The following GRIN2A variants were observed in gnomAD, a reference collection of about 807,000 sequenced individuals.
GRIN2A encodes the protein glutamate ionotropic receptor NMDA type subunit 2A.
GRIN2A carries 22 observed loss-of-function variants against 113.4 expected under a neutral mutation model. The ratio of observed to expected loss-of-function variants is 0.19; its 90% confidence interval spans 0.14 to 0.28. The LOEUF (loss-of-function observed/expected upper bound fraction) is 0.28. Among genes scored for constraint, GRIN2A ranks in the 10% least tolerant of loss-of-function variants. The pLI is 1.00. For synonymous variants in GRIN2A, 827 were observed against 738.4 expected (o/e 1.12, Z -1.94); for missense variants, 1,502 against 1,887.0 (o/e 0.80, Z 3.78).
chr16:9,997,048 C>G (rs1013683654), intron 2 of GRIN2A, among the ~76,000 whole-genome samples: 4 of 151,966 alleles, frequency 2.6e-5, no homozygotes, highest in Non-Finnish European at 5.9e-5. Flanking sequence ...ATCACCAGCC[C>G]AAAAATGTAT....
chr16:9,789,001 CA>C (rs1377238514), intron 11 of GRIN2A, among the ~76,000 whole-genome samples: 2 of 152,146 alleles, frequency 1.3e-5, no homozygotes, highest in Non-Finnish European at 2.9e-5. Flanking sequence ...CTCGGCCTCT[CA>C]AAGTGCTGGG....
intron 2 of GRIN2A, among the ~76,000 whole-genome samples, chr16:10,061,118 G>A (rs997835007): frequency 2.0e-5 from 3 of 152,198 alleles, no homozygotes; most frequent in Non-Finnish European, 4.4e-5. Context: ...TACAGCTAGA[G>A]TGTGCCCTTT....
intron 2 of GRIN2A, among the ~76,000 whole-genome samples, chr16:10,130,509 C>G (rs2049039154): frequency 6.6e-6 from 1 of 152,168 alleles, no homozygotes; most frequent in Non-Finnish European, 1.5e-5. Flanking sequence ...AAATGGAGCT[C>G]CGGACACAGA....
intron 2 of GRIN2A, among the ~76,000 whole-genome samples, chr16:10,049,827 T>C (rs1296078288): frequency 1.3e-5 from 2 of 152,184 alleles, no homozygotes; most frequent in Admixed American, 1.3e-4. Context: ...TTTGTGCAAT[T>C]TTTTTGTGAG....
At chr16:9,887,910 T>C (rs1040024122) in intron 4 of GRIN2A, among the ~76,000 whole-genome samples, 1 of 152,114 alleles carries the variant, frequency 6.6e-6, no homozygotes, top group Admixed American at 6.5e-5. Flanking sequence ...TATAAAAAAT[T>C]AGCCTCTGTG....
chr16:9,882,402 G>C (rs757382838), intron 4 of GRIN2A, among the ~76,000 whole-genome samples: 2 of 152,066 alleles, frequency 1.3e-5, no homozygotes, highest in Non-Finnish European at 2.9e-5. Context: ...TCCTATAACT[G>C]GAATCTACTT....
chr16:9,844,778 G>C (rs1223616620), intron 5 of GRIN2A, among the ~76,000 whole-genome samples: 1 of 152,148 alleles, frequency 6.6e-6, no homozygotes, highest in Non-Finnish European at 1.5e-5. Context: ...TGATTTGACA[G>C]TTTGGGAGCT....
intron 11 of GRIN2A, among the ~76,000 whole-genome samples, chr16:9,793,807 A>G (rs1544607): frequency 0.98 from 148,634 of 152,054 alleles, 72,679 homozygotes; most frequent in East Asian, 1. Context: ...TACATAACAC[A>G]TGTGTATATG....
chr16:9,927,970 TG>T (rs2044501578), intron 3 of GRIN2A, among the ~76,000 whole-genome samples: 1 of 152,218 alleles, frequency 6.6e-6, no homozygotes, highest in African/African-American at 2.4e-5. Flanking sequence ...GGAAGCTGAC[TG>T]TGGGGATTTG....
At chr16:9,898,196 A>T (rs2043846030) in intron 3 of GRIN2A, among the ~76,000 whole-genome samples, 2 of 152,038 alleles carry the variant, frequency 1.3e-5, no homozygotes, top group South Asian at 2.1e-4. Context: ...ATTAATAAAT[A>T]GTAGTTAACA....
Position 9,981,283 on chromosome 16 carries a change from T to C in GRIN2A, c.415-42732A>G, listed in dbSNP as rs142375503. 1.5e-3 allele frequency among the ~76,000 whole-genome samples: 225 copies of C among 152,350 alleles called. 3 individuals carry two copies. The highest frequency in any genetic ancestry group is 5.2e-3 in the African/African-American group (218 of 41,584). On this transcript the variant is annotated intron_variant, in intron 2 of 12. Transcript: ENST00000330684. ...CGCCTCCAATCATGTCTCAAGGTAA[T>C]TGGGCTGGTAGATGTTTACCTATCT...
intron 2 of GRIN2A, among the ~76,000 whole-genome samples, chr16:9,981,301 A>T (rs1277072690): frequency 6.6e-6 from 1 of 152,206 alleles, no homozygotes; most frequent in African/African-American, 2.4e-5. Context: ...GTAGATGTTT[A>T]CCTATCTGCA....
At chr16:9,970,929 T>C (rs3104702) in intron 2 of GRIN2A, 129,392 of 153,426 alleles carry the variant, frequency 0.84, 55,179 homozygotes, top group African/African-American at 0.95. Flanking sequence ...ATGAGAGGCT[T>C]ATTCACCCTG....
At chr16:10,181,100 A>T (rs2050261467) in intron 1 of GRIN2A, among the ~76,000 whole-genome samples, 1 of 150,462 alleles carries the variant, frequency 6.6e-6, no homozygotes, top group South Asian at 2.1e-4. Context: ...TGGTGGGCCC[A>T]GGCTCCGCTG....
chr16:9,880,908 G>A lies in GRIN2A; in HGVS notation c.1122+10078C>T, dbSNP rs377515980. ...AAAACATCTTTATGGCACCTCACATGCTCTCCTGCAGTTACGAGCATCTCT... is the reference window on the plus strand; with the variant it reads ...AAAACATCTTTATGGCACCTCACATACTCTCCTGCAGTTACGAGCATCTCT... On this transcript the variant is annotated intron_variant, in intron 4 of 12. Coordinates refer to ENST00000330684, the MANE Select transcript of GRIN2A (RefSeq NM_001134407.3). 6.6e-5 allele frequency among the ~76,000 whole-genome samples: 10 copies of A among 152,240 alleles called. No homozygotes were observed. The South Asian group carries it at 1.9e-3, about 28-fold the overall frequency.
In GRIN2A at chr16:9,840,962, T is replaced by C. The variant is rs1215472949; in HGVS notation, c.1471A>G (p.Asn491Asp). The part of the protein sequence containing the change: ...TNGKHGKKVN[N>D]VWNGMIGEVV... ...TCACCGATCATTCCATTCCACACAT[T>C]GTTAACTTTCTTGCCATGCTTCCCA... The change falls in exon 6 of 13, where the codon AAT becomes GAT. Residue 491 changes from asparagine to aspartate, a missense_variant. By Grantham distance (23) the Asn-to-Asp change is conservative. This residue lies in a region of GRIN2A where 82 missense variants were observed against 222.7 expected (regional missense o/e 0.37). Transcript: ENST00000330684. 1.2e-6 allele frequency: 2 copies of C among 1,614,026 alleles called. No homozygotes were observed. Among genetic ancestry groups the C allele is most frequent in the South Asian group, 2.2e-5 (2 of 91,078 alleles).
At chr16:9,800,522 G>C (rs543283670) in intron 10 of GRIN2A, among the ~76,000 whole-genome samples, 39 of 152,260 alleles carry the variant, frequency 2.6e-4, no homozygotes, top group African/African-American at 8.4e-4. Flanking sequence ...CATCTTTTCA[G>C]AGACAGCTGC....
At chr16:9,919,585 A>G (rs2044319984) in intron 3 of GRIN2A, among the ~76,000 whole-genome samples, 1 of 152,206 alleles carries the variant, frequency 6.6e-6, no homozygotes, top group South Asian at 2.1e-4. Context: ...CTGGTGTCTA[A>G]CAGGAGATGA....
Position 9,829,539 on chromosome 16 carries a change from C to A in GRIN2A, c.1891G>T (p.Val631Leu). 6.2e-7 allele frequency: 1 copy of A among 1,613,880 alleles called. No individual in the cohort carries two copies. The highest frequency in any genetic ancestry group is 8.5e-7 in the Non-Finnish European group (1 of 1,179,816). The stretch of plus-strand genomic sequence containing the variant: ...ACAGCGAAGAAGGCCCATACAGATA[C>A]CATGATCTTGCTGGTGGTCCCTTTA... ...NPKGTTSKIM[V>L]SVWAFFAVIF... Residue 631 changes from valine to leucine, a missense_variant, in exon 9 of 13, where the codon GTA (valine) becomes TTA (leucine). Transcript: ENST00000330684.
Sources: gnomAD v4.1 joint callset for allele counts (sites outside exome capture counted in the v4.1 genomes callset) on GRCh38, gnomAD v4.1.1 for gene constraint, gnomAD v4.1.1 regional missense constraint, MANE v1.5 for transcripts, NCBI Gene and HGNC (gene_info 2026-07-23, HGNC 2026-07-21) for gene names.